The following ST6GALNAC3 variants were observed in gnomAD, a reference collection of about 807,000 sequenced individuals.
ST6GALNAC3 encodes ST6 N-acetylgalactosaminide alpha-2,6-sialyltransferase 3.
A neutral mutation model predicts 32.7 loss-of-function variants in ST6GALNAC3; 25 were observed. The ratio of observed to expected loss-of-function variants is 0.76; its 90% CI spans 0.56 to 1.07. The LOEUF (loss-of-function observed/expected upper bound fraction) is 1.07. Ranked by LOEUF, ST6GALNAC3 falls within the 50% of genes least tolerant of loss-of-function variation. ST6GALNAC3 has a pLI of 0.00. For synonymous variants in ST6GALNAC3, 129 were observed against 133.1 expected, an observed-to-expected ratio of 0.97 and a Z score of 0.21; for missense variants, 355 against 382.4, an observed-to-expected ratio of 0.93 and a Z score of 0.60.
At chr1:76,205,940 C>T (rs1311425839) in intron 1 of ST6GALNAC3, among the ~76,000 whole-genome samples, 1 of 152,262 alleles carries the variant, frequency 6.6e-6, no homozygotes, top group African/African-American at 2.4e-5. Context: ...ACAGCCAGCA[C>T]TGTTATATCC....
intron 3 of ST6GALNAC3, among the ~76,000 whole-genome samples, chr1:76,474,859 T>G (rs1468824209): frequency 2.0e-5 from 3 of 152,170 alleles, no homozygotes; most frequent in Non-Finnish European, 4.4e-5. Flanking sequence ...GTTGCACCTC[T>G]TGGAAGCTTC....
chr1:76,176,345 T>A (rs1652851321), intron 1 of ST6GALNAC3, among the ~76,000 whole-genome samples: 1 of 152,226 alleles, frequency 6.6e-6, no homozygotes, highest in Admixed American at 6.5e-5. Flanking sequence ...TACAGCCTGC[T>A]CATTGCTGGA....
chr1:76,225,534 T>C (rs942553013), intron 1 of ST6GALNAC3, among the ~76,000 whole-genome samples: 6 of 152,074 alleles, frequency 3.9e-5, no homozygotes, highest in Non-Finnish European at 8.8e-5. Context: ...ACCAACCCAA[T>C]AGCATTTAAG....
intron 2 of ST6GALNAC3, among the ~76,000 whole-genome samples, chr1:76,345,769 C>T (rs1278830557): frequency 6.6e-6 from 1 of 152,082 alleles, no homozygotes; most frequent in Admixed American, 6.5e-5. Flanking sequence ...ACCCGTTCCT[C>T]AGCCCCAGCT....
chr1:76,218,042 T>C (rs908319090), intron 1 of ST6GALNAC3, among the ~76,000 whole-genome samples: 8 of 152,162 alleles, frequency 5.3e-5, no homozygotes, highest in African/African-American at 1.9e-4. Flanking sequence ...AGGAGTGGAA[T>C]TGCTGGATCA....
intron 1 of ST6GALNAC3, among the ~76,000 whole-genome samples, chr1:76,124,409 G>C (rs1043154114): frequency 6.6e-6 from 1 of 152,224 alleles, no homozygotes; most frequent in Non-Finnish European, 1.5e-5. Flanking sequence ...TGACTGGGCT[G>C]GGGAGGGGCC....
At chr1:76,582,504 T>C (rs911177644) in intron 3 of ST6GALNAC3, among the ~76,000 whole-genome samples, 1 of 152,154 alleles carries the variant, frequency 6.6e-6, no homozygotes, top group Non-Finnish European at 1.5e-5. Context: ...GGAGGGTACA[T>C]AGATATCTCT....
At chr1:76,209,142 T>G (rs1370396164) in intron 1 of ST6GALNAC3, among the ~76,000 whole-genome samples, 1 of 152,228 alleles carries the variant, frequency 6.6e-6, no homozygotes, top group Non-Finnish European at 1.5e-5. Flanking sequence ...CTCTGATGTT[T>G]ACTTGGTAGA....
chr1:76,185,544 T>C (rs940518669), intron 1 of ST6GALNAC3, among the ~76,000 whole-genome samples: 5 of 152,200 alleles, frequency 3.3e-5, no homozygotes, highest in African/African-American at 1.2e-4. Context: ...GTTTCATCTG[T>C]GCCTCACTCT....
intron 2 of ST6GALNAC3, among the ~76,000 whole-genome samples, chr1:76,368,864 A>C (rs1434591488): frequency 1.3e-5 from 2 of 152,140 alleles, no homozygotes; most frequent in Non-Finnish European, 2.9e-5. Context: ...CATTTAGCTA[A>C]GTGGAGAATG....
At chr1:76,286,998 ATCT>A (rs1367595959) in intron 1 of ST6GALNAC3, among the ~76,000 whole-genome samples, 1 of 152,242 alleles carries the variant, frequency 6.6e-6, no homozygotes, top group Non-Finnish European at 1.5e-5. Context: ...ATGTTCTTCA[ATCT>A]TCTCTGAATT....
intron 3 of ST6GALNAC3, among the ~76,000 whole-genome samples, chr1:76,573,595 T>C (rs773269695): frequency 1.4e-4 from 22 of 151,822 alleles, no homozygotes; most frequent in Non-Finnish European, 2.6e-4. Context: ...TTTGATTCCA[T>C]GCTTGTAGAG....
At chr1:76,249,116 A>G (rs1209774216) in intron 1 of ST6GALNAC3, among the ~76,000 whole-genome samples, 2 of 152,194 alleles carry the variant, frequency 1.3e-5, no homozygotes, top group Non-Finnish European at 2.9e-5. Context: ...AAATTCACTT[A>G]CTATAACATT....
intron 1 of ST6GALNAC3, among the ~76,000 whole-genome samples, chr1:76,143,322 A>G (rs1650451621): frequency 6.6e-6 from 1 of 151,766 alleles, no homozygotes; most frequent in Non-Finnish European, 1.5e-5. Context: ...TAGCAAACTC[A>G]TTTGTCAAAG....
chr1:76,123,378 C>CAAA (rs869281587), intron 1 of ST6GALNAC3, among the ~76,000 whole-genome samples: 2 of 63,394 alleles, frequency 3.2e-5, no homozygotes, highest in Non-Finnish European at 3.4e-5. Context: ...GGCTCCATCT[C>CAAA]AAAAAAAAAA....
chr1:76,116,800 C>T (rs1443709787), intron 1 of ST6GALNAC3, among the ~76,000 whole-genome samples: 3 of 152,158 alleles, frequency 2.0e-5, no homozygotes, highest in Non-Finnish European at 2.9e-5. Context: ...GGCCTGGTGG[C>T]ATGTGCCTGT....
intron 1 of ST6GALNAC3, among the ~76,000 whole-genome samples, chr1:76,273,184 T>A (rs1658949616): frequency 6.6e-6 from 1 of 152,224 alleles, no homozygotes; most frequent in African/African-American, 2.4e-5. Context: ...ATTTTCATTT[T>A]ACATTGTTGA....
intron 4 of ST6GALNAC3, among the ~76,000 whole-genome samples, 155 bp downstream of exon 4, chr1:76,627,714 CA>C (rs1649063939): frequency 6.6e-6 from 1 of 151,900 alleles, no homozygotes; most frequent in Non-Finnish European, 1.5e-5. Context: ...GTCAGTGCGT[CA>C]AGTTGTGACT....
In ST6GALNAC3 at chr1:76,108,893, T is replaced by C. The variant is rs572714507; in HGVS notation, c.18+34009T>C. The stretch of plus-strand genomic sequence containing the variant: ...GTGTGTGTGTGTGTGTGTGTGTGTG[T>C]GTGTGTTTCTGAAGAAAATAAAAAT... On this transcript the variant is annotated intron_variant, in intron 1 of 4. Transcript: ENST00000328299. Among the ~76,000 whole-genome samples the C allele has an allele frequency of 4.6e-3, 610 of 133,314 alleles. 6 individuals are homozygous for C. The highest frequency in any genetic ancestry group is 0.018 in the African/African-American group (580 of 32,036). 87.5% of individuals were successfully genotyped at this position (133,314 alleles called of 152,430 possible). A position where few individuals can be genotyped will look rare whatever the true frequency, so the allele number is the denominator to read the frequency against.
Sources: gnomAD v4.1 joint callset for allele counts (sites outside exome capture counted in the v4.1 genomes callset) on GRCh38, gnomAD v4.1.1 for gene constraint, MANE v1.5 for transcripts, NCBI Gene and HGNC (gene_info 2026-07-23, HGNC 2026-07-21) for gene names.